Variants in APBB1 observed in about 807,000 individuals in gnomAD.
APBB1 encodes the protein amyloid beta precursor protein binding family B member 1, also known as adaptor protein FE65a2.
A neutral mutation model predicts 78.4 loss-of-function variants in APBB1; 22 were observed. That is an observed-to-expected ratio of 0.28 (90% confidence interval 0.20 to 0.40). The LOEUF (loss-of-function observed/expected upper bound fraction) is 0.40, where lower values mean the gene tolerates loss of function less well. APBB1 is among the 10% of genes least tolerant of loss of function. The pLI is 1.00. For missense variants in APBB1, 749 were observed against 932.4 expected, an observed-to-expected ratio of 0.80 and a Z score of 2.56; for synonymous variants, 369 against 372.7, an observed-to-expected ratio of 0.99 and a Z score of 0.12.
chr11:6,396,436 T>C (rs1848226276), intron 12 of APBB1: 1 of 506,920 alleles, frequency 2.0e-6, no homozygotes, highest in Admixed American at 4.0e-5. Flanking sequence ...TCTTGGATCC[T>C]AGGCTCGTTA....
chr11:6,409,769 C>T (rs972619865), intron 2 of APBB1, among the ~76,000 whole-genome samples: 12 of 146,446 alleles, frequency 8.2e-5, no homozygotes, highest in African/African-American at 3.3e-4. Flanking sequence ...CTCAGCTTTT[C>T]CTGTATTCGC....
chr11:6,405,770 G>T, intron 2 of APBB1: 1 of 794,496 alleles, frequency 1.3e-6, no homozygotes, highest in South Asian at 5.7e-5. Context: ...ACACTCTATG[G>T]AATAAGGTTT....
intron 2 of APBB1, among the ~76,000 whole-genome samples, chr11:6,406,596 T>C (rs1280691400): frequency 6.6e-6 from 1 of 152,190 alleles, no homozygotes; most frequent in Admixed American, 6.5e-5. Context: ...CCCCAGGTTT[T>C]ATGTGCTGTC....
intron 1 of APBB1, among the ~76,000 whole-genome samples, chr11:6,412,835 G>T (rs1301192771): frequency 1.3e-5 from 2 of 152,088 alleles, no homozygotes; most frequent in Non-Finnish European, 2.9e-5. Context: ...ACGTTACTAT[G>T]CCTTATGGTG....
chr11:6,406,804 T>G (rs553442646), intron 2 of APBB1, among the ~76,000 whole-genome samples: 1 of 152,090 alleles, frequency 6.6e-6, no homozygotes, highest in Non-Finnish European at 1.5e-5. Flanking sequence ...CCCACCACTC[T>G]CACAGGCAGG....
At chr11:6,396,315 C>T (rs1017628594) in intron 12 of APBB1, 100 bp from the exon 13 acceptor site, 2 of 1,013,666 alleles carry the variant, frequency 2.0e-6, no homozygotes, top group Admixed American at 3.1e-5. Flanking sequence ...AGGGCCTTTG[C>T]CCCATCCCCA....
chr11:6,406,912 G>T lies in APBB1; in HGVS notation c.722-3090C>A, dbSNP rs539620752. ...TTTGTCTCCTCACCAGGCTGTGAAG[G>T]CCAGGAGGTAAGAACATCTTTGCCC... On this transcript the variant is annotated intron_variant, in intron 2 of 14. Coordinates refer to ENST00000609360, the MANE Select transcript of APBB1 (RefSeq NM_001164.5). Among the ~76,000 whole-genome samples the T allele has an allele frequency of 2.0e-5, 3 of 152,300 alleles. No homozygotes were observed. The South Asian group carries it at 6.2e-4, about 32-fold the overall frequency.
At chr11:6,415,035 G>C (rs1421998005) in intron 1 of APBB1, among the ~76,000 whole-genome samples, 1 of 152,218 alleles carries the variant, frequency 6.6e-6, no homozygotes, top group Admixed American at 6.5e-5. Flanking sequence ...TGGTGAAACT[G>C]TTTAAGTGCT....
Position 6,403,784 on chromosome 11 carries a change from C to T in APBB1, c.760G>A (p.Asp254Asn), listed in dbSNP as rs139147263. The change falls in exon 3 of 15, where the codon GAC (aspartate) becomes AAC (asparagine). Residue 254 changes from aspartate (D) to asparagine (N), a missense_variant. Physicochemically the swap from Asp to Asn is conservative, Grantham distance 23 (BLOSUM62 1). Around this residue, in one of 3 missense-constraint regions of APBB1, gnomAD observed 635 missense variants for 765.0 expected, o/e 0.83. Coordinates refer to ENST00000609360, the MANE Select transcript of APBB1 (RefSeq NM_001164.5). This position sits in a 1 kb window ranked among gnomAD's most constrained non-coding sequence, Gnocchi z 5.3. ...WNPNAFETDS[D>N]LPAGWMRVQD... Reference sequence around the variant, plus strand: ...ACCCTCATCCATCCAGCCGGCAGGTCGGAATCCGTCTCGAAGGCGTTGGGG... The same window carrying T: ...ACCCTCATCCATCCAGCCGGCAGGTTGGAATCCGTCTCGAAGGCGTTGGGG... 586 of 1,579,368 alleles carry T rather than the reference C, an allele frequency of 3.7e-4. No homozygotes were observed. Among genetic ancestry groups the T allele is most frequent in the Non-Finnish European group, 4.7e-4 (546 of 1,160,492 alleles).
intron 2 of APBB1, among the ~76,000 whole-genome samples, chr11:6,405,980 CT>C (rs1029101138): frequency 2.0e-5 from 3 of 152,190 alleles, no homozygotes; most frequent in African/African-American, 7.2e-5. Context: ...CATCTCCTGA[CT>C]GAGTCACACA....
At chr11:6,399,345 G>A (rs1419634120) in intron 12 of APBB1, among the ~76,000 whole-genome samples, 1 of 152,142 alleles carries the variant, frequency 6.6e-6, no homozygotes, top group Non-Finnish European at 1.5e-5. Context: ...AACTCAGCAT[G>A]TCCAAAAGTG....
In APBB1 at chr11:6,402,211, T is replaced by C. The variant is rs1342281333; in HGVS notation, c.1255-2A>G. The C allele has an allele frequency of 6.2e-7, 1 of 1,613,264 alleles. No homozygotes were observed. The highest frequency in any genetic ancestry group is 8.5e-7 in the Non-Finnish European group (1 of 1,179,992). Reference sequence around the variant, plus strand: ...CAGCTGCAGTAGCAGATCCTTTCCCTGCAGGACCAGAAGCAGGCACTCAGT... The same window carrying C: ...CAGCTGCAGTAGCAGATCCTTTCCCCGCAGGACCAGAAGCAGGCACTCAGT... On this transcript the variant is annotated splice_acceptor_variant, in intron 7 of 14. Transcript: ENST00000609360. LOFTEE classifies it high-confidence loss of function.
Position 6,401,768 on chromosome 11 carries a change from T to C in APBB1, c.1389-80A>G. On this transcript the variant is annotated intron_variant, in intron 9 of 14. Coordinates refer to ENST00000609360, the MANE Select transcript of APBB1 (RefSeq NM_001164.5). The surrounding 1 kb of genome is among the most constrained non-coding windows in gnomAD (Gnocchi z 4.5). Reference sequence around the variant, plus strand: ...GTCCCCACCCCACCCACGTCCTCCCTGCCCATCACAGCTCCTCCAGGGCTT... The same window carrying C: ...GTCCCCACCCCACCCACGTCCTCCCCGCCCATCACAGCTCCTCCAGGGCTT... 6.5e-7 allele frequency: 1 copy of C among 1,528,962 alleles called. No homozygotes were observed. The highest frequency in any genetic ancestry group is 9.0e-7 in the Non-Finnish European group (1 of 1,105,854). The allele number at this position is 1,528,962 out of a possible 1,614,324, so 94.7% of individuals were successfully genotyped here.
At chr11:6,405,430 A>G in intron 2 of APBB1, 1 of 987,360 alleles carries the variant, frequency 1.0e-6, no homozygotes, top group Non-Finnish European at 1.2e-6. Context: ...CGGCAACCGC[A>G]GCACCAGGAC....
intron 2 of APBB1, chr11:6,404,962 C>T (rs1848734808): frequency 7.0e-6 from 10 of 1,437,874 alleles, no homozygotes; most frequent in Non-Finnish European, 9.1e-6. Context: ...CCGCTTGGAG[C>T]TTGCTAGGGA....
At chr11:6,416,630 C>T (rs1297992046) in intron 1 of APBB1, among the ~76,000 whole-genome samples, 5 of 152,142 alleles carry the variant, frequency 3.3e-5, no homozygotes, top group Admixed American at 2.0e-4. Flanking sequence ...CCTGCACTTG[C>T]TATGTTCAAT....
upstream of APBB1, chr11:6,419,097 G>T: frequency 5.2e-6 from 2 of 382,454 alleles, no homozygotes. Flanking sequence ...CGCGGGCCGC[G>T]GGGCCGCGCC....
chr11:6,417,401 T>C (rs1415249424), intron 1 of APBB1, among the ~76,000 whole-genome samples: 1 of 152,236 alleles, frequency 6.6e-6, no homozygotes, highest in African/African-American at 2.4e-5. Flanking sequence ...ATGGTACATA[T>C]TACATTTGTA....
rs1309394504 is a variant in APBB1, at chr11:6,410,778, G to A, written c.570C>T (p.Pro190=). The A allele has an allele frequency of 3.7e-6, 6 of 1,604,632 alleles. No homozygotes were observed. Among genetic ancestry groups the A allele is most frequent in the East Asian group, 4.5e-5 (2 of 44,724 alleles). The part of the protein sequence containing the change: ...PEPLESVEAP[P]RPQALTDGPR... Reference sequence around the variant, plus strand: ...GGCCATCTGTAAGGGCTTGGGGCCTGGGAGGGGCCTCCACACTCTCCAGGG... The same window carrying A: ...GGCCATCTGTAAGGGCTTGGGGCCTAGGAGGGGCCTCCACACTCTCCAGGG... The change falls in exon 2 of 15, where the codon CCC becomes CCT. Residue 190 remains proline (P), a synonymous_variant. Transcript: ENST00000609360.
Sources: allele counts gnomAD v4.1 joint callset (sites outside exome capture counted in the v4.1 genomes callset), GRCh38; gene constraint gnomAD v4.1.1; regional missense constraint gnomAD v4.1.1; non-coding constraint Gnocchi (gnomAD v3.1); transcripts MANE v1.5; gene names NCBI Gene and HGNC (gene_info 2026-07-23, HGNC 2026-07-21).